GCC2: variants seen among roughly 807,000 people sequenced by gnomAD.
GCC2 encodes the protein GRIP and coiled-coil domain containing 2, also known as GRIP and coiled-coil domain-containing protein 2.
A neutral mutation model predicts 210.6 loss-of-function variants in GCC2; 120 were observed. The observed-to-expected ratio is 0.57, with a 90% CI of 0.49 to 0.66. The LOEUF is 0.66. GCC2 is among the 30% of genes least tolerant of loss of function. GCC2 has a pLI of 0.00. For missense variants in GCC2, 1,868 were observed against 1,871.9 expected, an observed-to-expected ratio of 1.00 and a Z score of 0.04; for synonymous variants, 703 against 652.7, an observed-to-expected ratio of 1.08 and a Z score of -1.17.
intron 19 of GCC2, chr2:108,494,248 CTGGAAGTCCCAGCTACTTG>C (rs1479748556): frequency 6.5e-6 from 1 of 154,756 alleles, no homozygotes; most frequent in East Asian, 1.9e-4. Context: ...TAGCATGCAC[CTGGAAGTCCCAGCTACTTG>C]TGGGGCTGAG....
intron 9 of GCC2, among the ~76,000 whole-genome samples, chr2:108,480,108 A>G (rs1031569210): frequency 6.6e-5 from 10 of 152,064 alleles, no homozygotes; most frequent in African/African-American, 2.4e-4. Flanking sequence ...CCTCTTGGTT[A>G]ATGTCGTTTC....
chr2:108,507,494 T>A (rs9973734), intron 22 of GCC2, 66 bp from the exon 23 acceptor site: 531,635 of 1,293,522 alleles, frequency 0.41, 116,557 homozygotes, highest in East Asian at 0.84. Context: ...AGATTTTACA[T>A]TGAGAAATTT....
intron 5 of GCC2, 114 bp from the exon 6 acceptor site, chr2:108,469,537 A>G: frequency 1.5e-6 from 1 of 681,648 alleles, no homozygotes. Context: ...CTCCAAATAC[A>G]TTTCTGCTCA....
chr2:108,483,935 G>A (rs1681999613), intron 12 of GCC2, among the ~76,000 whole-genome samples: 1 of 152,138 alleles, frequency 6.6e-6, no homozygotes, highest in East Asian at 1.9e-4. Flanking sequence ...AACTAAGAAA[G>A]TTGGGTTAAA....
chr2:108,486,483 A>G (rs757304673), intron 15 of GCC2, 28 bp from the exon 16 acceptor site: 1 of 1,612,684 alleles, frequency 6.2e-7, no homozygotes, highest in East Asian at 2.2e-5. Context: ...AGGATTTGCT[A>G]AAGCTAAATT....
chr2:108,488,153 C>T (rs1313691160), intron 17 of GCC2, among the ~76,000 whole-genome samples: 2 of 152,018 alleles, frequency 1.3e-5, no homozygotes, highest in East Asian at 1.9e-4. Flanking sequence ...ATGATCCACC[C>T]GCCTCAGCCT....
At chr2:108,495,556 G>C in intron 20 of GCC2, 71 bp downstream of exon 20, 10 of 1,067,016 alleles carry the variant, frequency 9.4e-6, no homozygotes, top group Non-Finnish European at 1.3e-5. Flanking sequence ...ATTACTCTAA[G>C]TTACATATGC....
At chr2:108,505,451 G>C (rs148377452) in intron 22 of GCC2, among the ~76,000 whole-genome samples, 2,936 of 152,184 alleles carry the variant, frequency 0.019, 89 homozygotes, top group African/African-American at 0.067. Context: ...TCTTCCCCTT[G>C]AGAGCCAGTA....
rs568190240 is a variant in GCC2, at chr2:108,455,211, G to A, written c.216+2745G>A. On this transcript the variant is annotated intron_variant, in intron 4 of 22. Transcript: ENST00000309863. ...TCCCAGCACTTTGGGAGGCTGAGGCGGACAGATCACCTGAGGTCAGGAATT... is the reference window on the plus strand; with the variant it reads ...TCCCAGCACTTTGGGAGGCTGAGGCAGACAGATCACCTGAGGTCAGGAATT... Among the ~76,000 whole-genome samples the A allele has an allele frequency of 3.9e-5, 6 of 152,142 alleles. No homozygotes were observed. The South Asian group carries it at 1.2e-3, about 32-fold the overall frequency.
chr2:108,472,918 A>G lies in GCC2; in HGVS notation c.2860+19A>G. The stretch of plus-strand genomic sequence containing the variant: ...AAAATAGGTAACTATGGTTTTGCAG[A>G]TGTTGTCACAATTAATTAGACAGAT... On this transcript the variant is annotated intron_variant, in intron 7 of 22. Transcript: ENST00000309863. 1 of 1,352,626 alleles carries G rather than the reference A, an allele frequency of 7.4e-7. No homozygotes were observed. Among genetic ancestry groups the G allele is most frequent in the Non-Finnish European group, 1.0e-6 (1 of 956,306 alleles). The allele number at this position is 1,352,626 out of a possible 1,614,324, so 83.8% of individuals were successfully genotyped here.
chr2:108,507,465 T>C (rs1391811003), intron 22 of GCC2, 95 bp from the exon 23 acceptor site: 11 of 978,628 alleles, frequency 1.1e-5, no homozygotes, highest in Non-Finnish European at 1.6e-5. Flanking sequence ...GCTTATATTG[T>C]AGAGTGATTC....
At chr2:108,505,853 A>C (rs1032557802) in intron 22 of GCC2, among the ~76,000 whole-genome samples, 1 of 152,212 alleles carries the variant, frequency 6.6e-6, no homozygotes, top group Non-Finnish European at 1.5e-5. Flanking sequence ...ATTGTAAATA[A>C]CACGCAGATA....
At chr2:108,483,227 C>T (rs1467269458) in intron 12 of GCC2, 61 bp downstream of exon 12, 5 of 854,290 alleles carry the variant, frequency 5.9e-6, no homozygotes, top group African/African-American at 1.7e-5. Context: ...TTTTGTTGTT[C>T]TGTTTGTTCT....
chr2:108,449,313 A>G, intron 1 of GCC2, 33 bp downstream of exon 1: 1 of 1,544,958 alleles, frequency 6.5e-7, no homozygotes, highest in East Asian at 2.5e-5. Flanking sequence ...CCTCCCATCA[A>G]GCCTTCCGCG....
chr2:108,506,694 T>A (rs1424066638), intron 22 of GCC2, among the ~76,000 whole-genome samples: 1 of 152,220 alleles, frequency 6.6e-6, no homozygotes, highest in East Asian at 1.9e-4. Context: ...AGATTCTAAG[T>A]TGTATATAAG....
At chr2:108,452,706 T>TG (rs1450334131) in intron 4 of GCC2, among the ~76,000 whole-genome samples, 10 of 145,412 alleles carry the variant, frequency 6.9e-5, no homozygotes, top group African/African-American at 2.6e-4. Context: ...TTTTTTTTTT[T>TG]TTTTTTGAGA....
In GCC2 at chr2:108,470,790, G is replaced by A. The variant is rs776316287; in HGVS notation, c.1461G>A (p.Met487Ile). 2 of 1,613,584 alleles carry A rather than the reference G, an allele frequency of 1.2e-6. No individual in the cohort carries two copies. The highest frequency in any genetic ancestry group is 2.7e-5 in the African/African-American group (2 of 74,908). The change falls in exon 6 of 23, where the codon ATG (methionine) becomes ATA (isoleucine). Residue 487 changes from methionine (M) to isoleucine (I), a missense_variant. This residue lies in a region of GCC2 where 1,847 missense variants were observed against 1,765.2 expected (regional missense o/e 1.05). Coordinates refer to ENST00000309863, the MANE Select transcript of GCC2 (RefSeq NM_181453.4). ...ILNYESLREI[M>I]EILQTELGES... ...ATTATGAGAGTTTACGAGAGATTAT[G>A]GAAATTTTACAAACAGAACTGGGGG... is the stretch of plus-strand genomic sequence containing the variant.
intron 4 of GCC2, among the ~76,000 whole-genome samples, chr2:108,455,235 T>C (rs1324758582): frequency 6.6e-6 from 1 of 152,108 alleles, no homozygotes; most frequent in Non-Finnish European, 1.5e-5. Flanking sequence ...AGGTCAGGAA[T>C]TGGAGACCAG....
intron 1 of GCC2, among the ~76,000 whole-genome samples, 160 bp downstream of exon 1, chr2:108,449,440 G>A (rs1350722758): frequency 6.6e-6 from 1 of 152,186 alleles, no homozygotes; most frequent in East Asian, 1.9e-4. Flanking sequence ...ATCCCTGGGG[G>A]TTACCTGCCC....
Sources: gnomAD v4.1 joint callset for allele counts (sites outside exome capture counted in the v4.1 genomes callset) on GRCh38, gnomAD v4.1.1 for gene constraint, gnomAD v4.1.1 regional missense constraint, MANE v1.5 for transcripts, NCBI Gene and HGNC (gene_info 2026-07-23, HGNC 2026-07-21) for gene names.